The following R3HDM1 variants were observed in gnomAD, a reference collection of about 807,000 sequenced individuals.
R3HDM1 encodes the protein R3H domain-containing protein 1.
A neutral mutation model predicts 141.1 loss-of-function variants in R3HDM1; 46 were observed. The observed-to-expected ratio is 0.33, with a 90% confidence interval of 0.26 to 0.42. The LOEUF is 0.42. Ranked by LOEUF, R3HDM1 falls within the 10% of genes least tolerant of loss-of-function variation. R3HDM1 has a pLI of 1.00. For synonymous variants in R3HDM1, 435 were observed against 472.9 expected, an observed-to-expected ratio of 0.92 and a Z score of 1.04; for missense variants, 1,184 against 1,368.3, an observed-to-expected ratio of 0.87 and a Z score of 2.12.
At chr2:135,599,820 G>T (rs906661368) in intron 1 of R3HDM1, among the ~76,000 whole-genome samples, 4 of 152,038 alleles carry the variant, frequency 2.6e-5, no homozygotes, top group African/African-American at 9.7e-5. Context: ...TTACTTGAGC[G>T]CAGGAATTTG....
At chr2:135,652,121 TGAA>T in intron 18 of R3HDM1, 89 bp downstream of exon 18, 5 of 1,456,972 alleles carry the variant, frequency 3.4e-6, no homozygotes, top group Non-Finnish European at 4.5e-6. Context: ...TAAATTCTCA[TGAA>T]GAGAATTTGT....
intron 3 of R3HDM1, among the ~76,000 whole-genome samples, chr2:135,613,395 C>G (rs950792348): frequency 6.6e-6 from 1 of 152,218 alleles, no homozygotes; most frequent in Non-Finnish European, 1.5e-5. Context: ...CTTTAAATCT[C>G]TCTGACTTGC....
At position 135,645,531 on chromosome 2, in the gene R3HDM1, C is replaced by A. The variant is rs755458826; in HGVS notation, c.1623+4C>A. 6 of 1,613,204 alleles carry A rather than the reference C, an allele frequency of 3.7e-6. No homozygotes were observed. The highest frequency in any genetic ancestry group is 5.1e-6 in the Non-Finnish European group (6 of 1,179,616). Reference sequence around the variant, plus strand: ...AGCTAATCACATTTTCTCACAGGTGCACATATCCATGATTACATAATGCTA... The same window carrying A: ...AGCTAATCACATTTTCTCACAGGTGAACATATCCATGATTACATAATGCTA... On this transcript the variant is annotated splice_donor_region_variant and intron_variant, in intron 16 of 26. Transcript: ENST00000683871.
intron 24 of R3HDM1, among the ~76,000 whole-genome samples, chr2:135,720,109 C>T (rs372961198): frequency 2.8e-4 from 43 of 152,328 alleles, no homozygotes; most frequent in African/African-American, 6.0e-4. Flanking sequence ...TCCCAAAGTG[C>T]TGGAATTACA....
intron 1 of R3HDM1, among the ~76,000 whole-genome samples, chr2:135,597,919 G>A (rs925554183): frequency 7.2e-5 from 11 of 152,122 alleles, no homozygotes; most frequent in African/African-American, 2.7e-4. Context: ...GAAGTTTCCA[G>A]TTCTTTTGTG....
At chr2:135,701,255 T>G (rs1327424219) in intron 21 of R3HDM1, among the ~76,000 whole-genome samples, 3 of 149,818 alleles carry the variant, frequency 2.0e-5, no homozygotes, top group Non-Finnish European at 4.4e-5. Context: ...CTATAAAAAT[T>G]AGCCAGGTGC....
At position 135,555,709 on chromosome 2, in the gene R3HDM1, C is replaced by T. The variant is rs960733008; in HGVS notation, c.-250+24076C>T. ...GGATAAGCAAAATGTAATATCCATG[C>T]AGTAGAACATTGTATGACAATACGA... On this transcript the variant is annotated intron_variant, in intron 1 of 26. Transcript: ENST00000683871. Among the ~76,000 whole-genome samples, 5 of 152,258 alleles carry T rather than the reference C, an allele frequency of 3.3e-5. No individual in the cohort carries two copies. In the South Asian group the frequency reaches 1.0e-3, roughly 32 times the overall value.
chr2:135,559,895 A>G (rs1254837925), intron 1 of R3HDM1, among the ~76,000 whole-genome samples: 1 of 152,264 alleles, frequency 6.6e-6, no homozygotes, highest in Non-Finnish European at 1.5e-5. Flanking sequence ...AAAAAGAGAT[A>G]CACTCTTAAT....
intron 17 of R3HDM1, chr2:135,651,095 A>T: frequency 4.1e-6 from 4 of 985,394 alleles, no homozygotes; most frequent in Non-Finnish European, 4.8e-6. Context: ...AAAGCATAGG[A>T]AACTGTCATT....
chr2:135,586,932 A>G (rs192616395), intron 1 of R3HDM1: 1 of 985,084 alleles, frequency 1.0e-6, no homozygotes, highest in African/African-American at 1.7e-5. Flanking sequence ...AACAAATACA[A>G]TGTGAATGAG....
intron 17 of R3HDM1, chr2:135,651,271 G>A (rs1209172239): frequency 1.0e-6 from 1 of 985,112 alleles, no homozygotes; most frequent in Non-Finnish European, 1.2e-6. Flanking sequence ...ATACAAAAAT[G>A]CATAGAATTT....
chr2:135,722,106 G>A, intron 25 of R3HDM1, 100 bp downstream of exon 25: 1 of 1,133,504 alleles, frequency 8.8e-7, no homozygotes, highest in Non-Finnish European at 1.3e-6. Context: ...CACTGCCCAA[G>A]AAGAGCTCTG....
intron 3 of R3HDM1, among the ~76,000 whole-genome samples, chr2:135,609,769 G>T (rs186724084): frequency 6.6e-6 from 1 of 152,080 alleles, no homozygotes; most frequent in Non-Finnish European, 1.5e-5. Flanking sequence ...AGCCTGGTGC[G>T]GTGGCACATG....
At chr2:135,539,556 G>C (rs1403965019) in intron 1 of R3HDM1, among the ~76,000 whole-genome samples, 4 of 152,120 alleles carry the variant, frequency 2.6e-5, no homozygotes, top group Admixed American at 2.6e-4. Context: ...GGCACACCTA[G>C]GAGATACTGC....
intron 1 of R3HDM1, among the ~76,000 whole-genome samples, chr2:135,564,089 C>G (rs1011562233): frequency 6.6e-6 from 1 of 152,108 alleles, no homozygotes; most frequent in Non-Finnish European, 1.5e-5. Flanking sequence ...CCCCCATGAC[C>G]CAAACACCAC....
intron 9 of R3HDM1, among the ~76,000 whole-genome samples, chr2:135,634,051 C>T (rs62168789): frequency 0.014 from 2,128 of 152,236 alleles, 27 homozygotes; most frequent in Admixed American, 0.029. Context: ...ACAAAAATAA[C>T]ATACTGCCAT....
intron 1 of R3HDM1, among the ~76,000 whole-genome samples, chr2:135,540,095 A>C (rs1697136549): frequency 6.6e-6 from 1 of 152,240 alleles, no homozygotes; most frequent in Non-Finnish European, 1.5e-5. Flanking sequence ...TTGCTATTTC[A>C]ACAATGCTAA....
Position 135,663,569 on chromosome 2 carries a change from T to C in R3HDM1, c.2152+2176T>C, listed in dbSNP as rs181649936. Among the ~76,000 whole-genome samples the C allele has an allele frequency of 5.8e-4, 88 of 152,338 alleles. 1 individual carries two copies. Among genetic ancestry groups the C allele is most frequent in the African/African-American group, 2.0e-3 (83 of 41,580 alleles). ...AATTTTGTTATGCTAATAAGTATCA[T>C]AGAAAATTTTCCTTTAAAGAAAAGT... On this transcript the variant is annotated intron_variant, in intron 19 of 26. Transcript: ENST00000683871.
chr2:135,564,321 T>C (rs1184435163), intron 1 of R3HDM1, among the ~76,000 whole-genome samples: 1 of 152,186 alleles, frequency 6.6e-6, no homozygotes, highest in Non-Finnish European at 1.5e-5. Context: ...ATTTCCTTTT[T>C]TTGTTTTGTT....
Sources: allele counts gnomAD v4.1 joint callset (sites outside exome capture counted in the v4.1 genomes callset), GRCh38; gene constraint gnomAD v4.1.1; transcripts MANE v1.5; gene names NCBI Gene and HGNC (gene_info 2026-07-23, HGNC 2026-07-21).